HUNK: variants seen among roughly 807,000 people sequenced by gnomAD.
The protein encoded by HUNK is hormonally up-regulated neu tumor-associated kinase.
In HUNK, 21 loss-of-function variants were observed where a neutral mutation model predicts 61.0. That is an observed-to-expected ratio of 0.34 (90% CI 0.24 to 0.50). The LOEUF (loss-of-function observed/expected upper bound fraction) is 0.50, where lower values mean the gene tolerates loss of function less well. Among genes scored for constraint, HUNK ranks in the 20% least tolerant of loss-of-function variants. The pLI, the probability that HUNK is intolerant of heterozygous loss-of-function variation, is 0.98. For missense variants in HUNK, 772 were observed against 945.7 expected, an observed-to-expected ratio of 0.82 and a Z score of 2.41; for synonymous variants, 371 against 386.1, an observed-to-expected ratio of 0.96 and a Z score of 0.46.
At chr21:31,875,130 C>CCCAA (rs1438734315) in intron 1 of HUNK, among the ~76,000 whole-genome samples, 1 of 152,196 alleles carries the variant, frequency 6.6e-6, no homozygotes, top group Admixed American at 6.5e-5. Context: ...GAGTTCACTT[C>CCCAA]CCAACCGAGC....
rs1331379668 is a variant in HUNK, at chr21:31,924,858, G to A, written c.554+98G>A. Reference sequence around the variant, plus strand: ...AGCCTCTGAGAAAGGCTGAGCAATTGCAGCCTGTTTTACAATTTGTCTATA... The same window carrying A: ...AGCCTCTGAGAAAGGCTGAGCAATTACAGCCTGTTTTACAATTTGTCTATA... On this transcript the variant is annotated intron_variant, in intron 2 of 10. Transcript: ENST00000270112. This position sits in a 1 kb window ranked among gnomAD's most constrained non-coding sequence, Gnocchi z 5.1. 3 of 913,258 alleles carry A rather than the reference G, an allele frequency of 3.3e-6. No homozygotes were observed. The African/African-American group carries it at 5.0e-5, about 15-fold the overall frequency. The allele number at this position is 913,258 out of a possible 1,614,324, so 56.6% of individuals were successfully genotyped here.
At chr21:31,974,738 G>A (rs777158399) in intron 7 of HUNK, 21 bp downstream of exon 7, 27 of 1,597,064 alleles carry the variant, frequency 1.7e-5, no homozygotes, top group African/African-American at 1.6e-4. Flanking sequence ...CCCTAGAGGC[G>A]ATCGTCTCTG....
intron 5 of HUNK, among the ~76,000 whole-genome samples, chr21:31,963,601 G>A (rs778950646): frequency 1.4e-4 from 22 of 152,256 alleles, no homozygotes; most frequent in Middle Eastern, 3.4e-3. Flanking sequence ...AAACCAAGCA[G>A]TCTTCCCGCC....
intron 7 of HUNK, among the ~76,000 whole-genome samples, chr21:31,975,173 C>A (rs2053040099): frequency 6.6e-6 from 1 of 152,032 alleles, no homozygotes; most frequent in South Asian, 2.1e-4. Context: ...AAAATAAGAA[C>A]AAAATTGGAC....
chr21:31,920,339 T>C (rs1305600425), intron 1 of HUNK, among the ~76,000 whole-genome samples: 1 of 152,240 alleles, frequency 6.6e-6, no homozygotes. Flanking sequence ...ATTAGGCCAT[T>C]ATTCAACCTG....
At chr21:31,948,338 G>T (rs1396688355) in intron 4 of HUNK, among the ~76,000 whole-genome samples, 1 of 152,186 alleles carries the variant, frequency 6.6e-6, no homozygotes, top group East Asian at 1.9e-4. Context: ...TACATGCACA[G>T]TTCCTTCGGC....
chr21:31,903,790 G>T (rs575277589), intron 1 of HUNK, among the ~76,000 whole-genome samples: 1 of 152,362 alleles, frequency 6.6e-6, no homozygotes. Context: ...TTCACAAGAT[G>T]AGACCCAGAA....
At chr21:31,897,309 A>G (rs1348082510) in intron 1 of HUNK, among the ~76,000 whole-genome samples, 1 of 152,178 alleles carries the variant, frequency 6.6e-6, no homozygotes, top group Non-Finnish European at 1.5e-5. Flanking sequence ...AACAATGGAA[A>G]TTTATTGTCT....
intron 5 of HUNK, among the ~76,000 whole-genome samples, chr21:31,965,478 T>A (rs9979090): frequency 0.48 from 73,110 of 151,918 alleles, 19,511 homozygotes; most frequent in African/African-American, 0.74. Flanking sequence ...AAATTTTTTT[T>A]AAAGTACGTT....
intron 2 of HUNK, among the ~76,000 whole-genome samples, chr21:31,930,131 C>T (rs1015012586): frequency 1.3e-5 from 2 of 152,206 alleles, no homozygotes; most frequent in African/African-American, 4.8e-5. Context: ...GTCCGCAGTG[C>T]TGATGCGAAA....
At chr21:31,947,214 A>C in intron 4 of HUNK, among the ~76,000 whole-genome samples, 1 of 149,492 alleles carries the variant, frequency 6.7e-6, no homozygotes, top group Non-Finnish European at 1.5e-5. Flanking sequence ...TCCCAGTCTC[A>C]AGCCAGTGGC....
At chr21:31,943,422 C>G (rs1021326665) in intron 3 of HUNK, among the ~76,000 whole-genome samples, 3 of 152,154 alleles carry the variant, frequency 2.0e-5, no homozygotes, top group African/African-American at 7.2e-5. Context: ...TTTACCAAAC[C>G]TAATTGAGAC....
intron 6 of HUNK, among the ~76,000 whole-genome samples, chr21:31,972,536 C>T (rs1296439914): frequency 6.6e-6 from 1 of 152,206 alleles, no homozygotes; most frequent in Non-Finnish European, 1.5e-5. Context: ...GCACACCTCT[C>T]CTTTCCATGC....
At chr21:31,952,119 A>G (rs572349898) in intron 4 of HUNK, among the ~76,000 whole-genome samples, 8 of 152,272 alleles carry the variant, frequency 5.3e-5, no homozygotes, top group African/African-American at 1.7e-4. Flanking sequence ...CAAGAAAATA[A>G]TTTCTTGCTA....
intron 2 of HUNK, among the ~76,000 whole-genome samples, chr21:31,933,533 C>G (rs1443093389): frequency 2.0e-5 from 3 of 152,046 alleles, no homozygotes; most frequent in African/African-American, 7.2e-5. Context: ...GCCTGTAATC[C>G]TAGCACTTTG....
intron 4 of HUNK, among the ~76,000 whole-genome samples, chr21:31,955,291 TAAAG>T (rs1232219725): frequency 7.7e-4 from 93 of 120,438 alleles, no homozygotes; most frequent in Middle Eastern, 3.8e-3. Context: ...AGTGCATTGA[TAAAG>T]AAATACCAAA....
Position 31,990,992 on chromosome 21 carries a change from G to T in HUNK, c.1305+816G>T, listed in dbSNP as rs2053168709. ...GTCTCTGCCCAGGGCAGCAGGCTCT[G>T]CCAGCCCCATCCTTATCCAGAATTA... On this transcript the variant is annotated intron_variant, in intron 9 of 10. Coordinates refer to ENST00000270112, the MANE Select transcript of HUNK (RefSeq NM_014586.2). Among the ~76,000 whole-genome samples, 3 of 152,224 alleles carry T rather than the reference G, an allele frequency of 2.0e-5. No individual in the cohort carries two copies. In the South Asian group the frequency reaches 6.2e-4, roughly 32 times the overall value.
In HUNK at chr21:31,998,625, C is replaced by G. The variant is rs761496393; in HGVS notation, c.1586C>G (p.Pro529Arg). The G allele has an allele frequency of 1.9e-6, 3 of 1,614,120 alleles. No individual in the cohort carries two copies. The South Asian group carries it at 3.3e-5, about 18-fold the overall frequency. Residue 529 changes from proline to arginine, a missense_variant, in exon 11 of 11, where the codon CCG (proline) becomes CGG (arginine). By Grantham distance (103) the Pro-to-Arg change is moderately radical. Coordinates refer to ENST00000270112, the MANE Select transcript of HUNK (RefSeq NM_014586.2). ...ATCCCCGTGCCACCGCCCAGGACCCCGAGGATTGTGAAGAAACCGGAGCCC... is the reference window on the plus strand; with the variant it reads ...ATCCCCGTGCCACCGCCCAGGACCCGGAGGATTGTGAAGAAACCGGAGCCC... ...EFIPVPPPRT[P>R]RIVKKPEPHQ...
chr21:31,934,484 A>G (rs914165381), intron 2 of HUNK, among the ~76,000 whole-genome samples: 1 of 150,514 alleles, frequency 6.6e-6, no homozygotes, highest in Non-Finnish European at 1.5e-5. Flanking sequence ...CTGAAACCTT[A>G]TGAAGAAATT....
Sources: gnomAD v4.1 joint callset for allele counts (sites outside exome capture counted in the v4.1 genomes callset) on GRCh38, gnomAD v4.1.1 for gene constraint, Gnocchi (gnomAD v3.1) non-coding constraint, MANE v1.5 for transcripts, NCBI Gene and HGNC (gene_info 2026-07-23, HGNC 2026-07-21) for gene names.